Variants in CSMD1 observed in about 807,000 individuals in gnomAD.
CSMD1 encodes the protein CUB and Sushi multiple domains 1, also known as CUB and sushi domain-containing protein 1.
In CSMD1, 213 loss-of-function variants were observed where a neutral mutation model predicts 417.5. That is an observed-to-expected ratio of 0.51 (90% CI 0.46 to 0.57). The LOEUF is 0.57. Ranked by LOEUF, CSMD1 falls within the 20% of genes least tolerant of loss-of-function variation. The pLI is 0.00. For synonymous variants in CSMD1, 2,862 were observed against 1,736.8 expected (o/e 1.65, Z -16.11); for missense variants, 6,923 against 4,529.7 (o/e 1.53, Z -15.17).
At position 3,083,608 on chromosome 8, in the gene CSMD1, TTTTATATATATATATATATATA is replaced by T. The variant is rs1219111771; in HGVS notation, c.7474+3467_7474+3488del. On this transcript the variant is annotated intron_variant, in intron 49 of 69. Transcript: ENST00000635120. ...CATCCACGGTGACAGTTACCATAAT[TTTTATATATATATATATATATA>T]TATATATATATATATATATTTTTTT... is the stretch of plus-strand genomic sequence containing the variant. Among the ~76,000 whole-genome samples, 317 of 44,988 alleles carry T rather than the reference TTTTATATATATATATATATATA, an allele frequency of 7.0e-3. 8 individuals carry two copies. The highest frequency in any genetic ancestry group is 0.044 in the Middle Eastern group (4 of 90). The allele number at this position is 44,988 out of a possible 152,430, so 29.5% of individuals were successfully genotyped here. A position where few individuals can be genotyped will look rare whatever the true frequency, so the allele number is the denominator to read the frequency against.
chr8:3,242,752 G>C (rs1316922859), intron 26 of CSMD1, among the ~76,000 whole-genome samples: 2 of 151,662 alleles, frequency 1.3e-5, no homozygotes, highest in Non-Finnish European at 2.9e-5. Context: ...TAGAGACATG[G>C]AGGGAAGGGG....
At chr8:4,176,903 A>G (rs1450978690) in intron 3 of CSMD1, among the ~76,000 whole-genome samples, 1 of 149,492 alleles carries the variant, frequency 6.7e-6, no homozygotes, top group Admixed American at 6.7e-5. Flanking sequence ...ATATGCACCC[A>G]ATACAGGAGC....
At chr8:3,891,353 G>A (rs1199707695) in intron 5 of CSMD1, among the ~76,000 whole-genome samples, 1 of 152,054 alleles carries the variant, frequency 6.6e-6, no homozygotes, top group Non-Finnish European at 1.5e-5. Context: ...CCTATCCTGA[G>A]CAGGTTCTTG....
chr8:4,670,004 T>G (rs904187715), intron 1 of CSMD1, among the ~76,000 whole-genome samples: 2 of 152,138 alleles, frequency 1.3e-5, no homozygotes, highest in Non-Finnish European at 2.9e-5. Context: ...TAGTGAAGTG[T>G]TGCTCCAGAA....
intron 3 of CSMD1, among the ~76,000 whole-genome samples, chr8:4,036,109 G>C (rs977133545): frequency 3.9e-5 from 6 of 152,158 alleles, no homozygotes; most frequent in Non-Finnish European, 7.3e-5. Context: ...CACTCTAGGA[G>C]TACTAGGCTA....
At chr8:3,429,895 A>G (rs1190703758) in intron 12 of CSMD1, among the ~76,000 whole-genome samples, 1 of 152,194 alleles carries the variant, frequency 6.6e-6, no homozygotes, top group Non-Finnish European at 1.5e-5. Context: ...TGTGCACCAG[A>G]TCACACCAGG....
chr8:4,928,002 C>A (rs540339705), intron 1 of CSMD1, among the ~76,000 whole-genome samples: 1 of 152,300 alleles, frequency 6.6e-6, no homozygotes, highest in Admixed American at 6.5e-5. Context: ...CGAGTCACAC[C>A]CCACATCCTC....
intron 2 of CSMD1, among the ~76,000 whole-genome samples, chr8:4,556,097 CA>C (rs1798074957): frequency 6.6e-6 from 1 of 151,972 alleles, no homozygotes; most frequent in African/African-American, 2.4e-5. Flanking sequence ...ATGTTTGCAT[CA>C]AATGGAAAAA....
chr8:3,837,179 T>C (rs969509212), intron 5 of CSMD1, among the ~76,000 whole-genome samples: 1 of 152,130 alleles, frequency 6.6e-6, no homozygotes, highest in African/African-American at 2.4e-5. Context: ...CACATCAGTT[T>C]CACAGTCTGT....
At chr8:3,621,720 C>T (rs4875759) in intron 7 of CSMD1, among the ~76,000 whole-genome samples, 59,601 of 151,374 alleles carry the variant, frequency 0.39, 11,807 homozygotes, top group Middle Eastern at 0.49. Context: ...GCTGCAACTA[C>T]AGGTGCATGC....
In CSMD1 at chr8:3,810,988, A is replaced by T. The variant is rs147089905; in HGVS notation, c.819-56946T>A. Among the ~76,000 whole-genome samples, 50 of 152,336 alleles carry T rather than the reference A, an allele frequency of 3.3e-4. 1 individual carries two copies. The highest frequency in any genetic ancestry group is 4.7e-4 in the Non-Finnish European group (32 of 68,036). On this transcript the variant is annotated intron_variant, in intron 5 of 69. Coordinates refer to ENST00000635120, the MANE Select transcript of CSMD1 (RefSeq NM_033225.6). ...ATTAATATAAGTACAAGTACTTTAA[A>T]GCTATGAATTAACACTGTTCCATCC...
At chr8:3,576,821 G>C (rs1800170244) in intron 9 of CSMD1, among the ~76,000 whole-genome samples, 3 of 152,100 alleles carry the variant, frequency 2.0e-5, no homozygotes, top group South Asian at 4.1e-4. Context: ...TCTAATATTA[G>C]CATTATCCAA....
chr8:3,033,943 C>A (rs4370557), intron 50 of CSMD1, among the ~76,000 whole-genome samples: 76,417 of 151,946 alleles, frequency 0.5, 19,643 homozygotes, highest in Non-Finnish European at 0.57. Flanking sequence ...CTCATCACAG[C>A]AGCCTTGCTT....
intron 10 of CSMD1, among the ~76,000 whole-genome samples, chr8:3,506,963 G>C (rs1409923310): frequency 6.6e-6 from 1 of 152,146 alleles, no homozygotes; most frequent in African/African-American, 2.4e-5. Flanking sequence ...AATTTAGGAA[G>C]TTTTGCTTAT....
chr8:4,221,606 C>G (rs1328705792), intron 3 of CSMD1, among the ~76,000 whole-genome samples: 1 of 152,144 alleles, frequency 6.6e-6, no homozygotes, highest in African/African-American at 2.4e-5. Context: ...AAAAAAAGAC[C>G]TCTGAGAATA....
chr8:3,412,466 C>T (rs1056217436), intron 12 of CSMD1, among the ~76,000 whole-genome samples: 1 of 152,016 alleles, frequency 6.6e-6, no homozygotes, highest in African/African-American at 2.4e-5. Flanking sequence ...ATATTGCATT[C>T]AAGAGGAGAA....
intron 10 of CSMD1, among the ~76,000 whole-genome samples, chr8:3,545,745 G>A (rs141309160): frequency 6.6e-6 from 1 of 152,150 alleles, no homozygotes; most frequent in Non-Finnish European, 1.5e-5. Context: ...ATTTTAAAGG[G>A]CTACTGGAAT....
At chr8:3,984,865 G>A (rs2627437) in intron 5 of CSMD1, among the ~76,000 whole-genome samples, 39,631 of 150,754 alleles carry the variant, frequency 0.26, 5,300 homozygotes, top group Non-Finnish European at 0.29. Flanking sequence ...CAGAAATGAA[G>A]AGAAAGTTTG....
At chr8:4,647,393 A>C (rs7842383) in intron 1 of CSMD1, among the ~76,000 whole-genome samples, 92 of 80,554 alleles carry the variant, frequency 1.1e-3, no homozygotes, top group East Asian at 9.5e-3. Flanking sequence ...TGTGCCACGG[A>C]GGTCTGTTAG....
Sources: allele counts gnomAD v4.1 joint callset (sites outside exome capture counted in the v4.1 genomes callset), GRCh38; gene constraint gnomAD v4.1.1; transcripts MANE v1.5; gene names NCBI Gene and HGNC (gene_info 2026-07-23, HGNC 2026-07-21).